RFC3: variants seen among roughly 807,000 people sequenced by gnomAD.
RFC3 encodes A1 38 kDa subunit.
Under a neutral mutation model 45.1 loss-of-function variants are expected in RFC3, and 41 were observed. The observed-to-expected ratio is 0.91, with a 90% CI of 0.71 to 1.18. The LOEUF is 1.18. Ranked by LOEUF, RFC3 falls within the 50% of genes most tolerant of loss-of-function variation. RFC3 has a pLI of 0.00. For missense variants in RFC3, 423 were observed against 428.1 expected (o/e 0.99, Z 0.10); for synonymous variants, 149 against 144.0 (o/e 1.03, Z -0.25).
At chr13:33,923,488 A>C (rs1003758482) in intron 8 of RFC3, among the ~76,000 whole-genome samples, 1 of 152,140 alleles carries the variant, frequency 6.6e-6, no homozygotes, top group East Asian at 1.9e-4. Context: ...TAGTGGATTC[A>C]GAACAAGTGG....
intron 8 of RFC3, among the ~76,000 whole-genome samples, chr13:33,896,264 C>T (rs1191956790): frequency 6.6e-6 from 1 of 151,378 alleles, no homozygotes; most frequent in South Asian, 2.1e-4. Flanking sequence ...TAAACCAAAA[C>T]AAAAAGAAAA....
At chr13:33,879,550 A>G (rs550112271) in intron 8 of RFC3, among the ~76,000 whole-genome samples, 30 of 152,318 alleles carry the variant, frequency 2.0e-4, no homozygotes, top group African/African-American at 6.7e-4. Flanking sequence ...AACTAAAACA[A>G]AAAACTTCCA....
rs145463194 is a variant in RFC3 at position 33,850,546 on chromosome 13, G to A, written c.879+15329G>A. On this transcript the variant is annotated intron_variant, in intron 8 of 8. Transcript: ENST00000434425. ...ATTAATTGAAATAAATTATGTTCTT[G>A]TAAAATTAATATTTACTGTATGAAA... is the stretch of plus-strand genomic sequence containing the variant. 10 of 152,070 alleles carry A rather than the reference G, an allele frequency of 6.6e-5. No individual in the cohort carries two copies. In the East Asian group the frequency reaches 1.4e-3, roughly 21 times the overall value. The allele number at this position is 152,070 out of a possible 1,614,324, so 9.4% of individuals were successfully genotyped here. A position where few individuals can be genotyped will look rare whatever the true frequency, so the allele number is the denominator to read the frequency against.
the RFC3 span, among the ~76,000 whole-genome samples, chr13:33,973,508 C>G: frequency 5.3e-5 from 8 of 152,254 alleles, no homozygotes; most frequent in Non-Finnish European, 1.5e-5. Flanking sequence ...CTTGGAAACA[C>G]ATTTTGTGGG....
At chr13:33,957,095 G>A (rs897763049) in intron 8 of RFC3, among the ~76,000 whole-genome samples, 1 of 151,678 alleles carries the variant, frequency 6.6e-6, no homozygotes, top group African/African-American at 2.4e-5. Flanking sequence ...CTTTTGTTAT[G>A]CTTCTGTATA....
chr13:33,951,039 CTTTTTTTTTTT>C (rs926664684), intron 8 of RFC3, among the ~76,000 whole-genome samples: 4 of 60,816 alleles, frequency 6.6e-5, no homozygotes, highest in South Asian at 8.5e-4. Flanking sequence ...TCTGATGGCT[CTTTTTTTTTTT>C]TTTTTTTTTT....
intron 1 of RFC3, among the ~76,000 whole-genome samples, chr13:33,820,072 T>C (rs529738207): frequency 6.6e-6 from 1 of 152,320 alleles, no homozygotes; most frequent in South Asian, 2.1e-4. Context: ...ATAATGGTTA[T>C]TTACAGAACT....
intron 8 of RFC3, among the ~76,000 whole-genome samples, chr13:33,931,524 G>A (rs2082852163): frequency 1.3e-5 from 2 of 152,012 alleles, no homozygotes; most frequent in African/African-American, 4.8e-5. Flanking sequence ...CATGAGATGT[G>A]TAAATTCTAA....
chr13:33,960,922 A>G (rs1036776866), intron 8 of RFC3, among the ~76,000 whole-genome samples: 2 of 152,154 alleles, frequency 1.3e-5, no homozygotes, highest in African/African-American at 4.8e-5. Flanking sequence ...TGGTCACTCC[A>G]TTATTCACTT....
chr13:33,966,454 C>T (rs1201824931), exon 9 of RFC3: 6 of 342,080 alleles, frequency 1.8e-5, no homozygotes, highest in Admixed American at 1.2e-4. Flanking sequence ...CCATCTGTAT[C>T]CCTACATCTA....
intron 8 of RFC3, among the ~76,000 whole-genome samples, chr13:33,936,111 A>T (rs1216988860): frequency 6.6e-6 from 1 of 152,150 alleles, no homozygotes; most frequent in African/African-American, 2.4e-5. Flanking sequence ...GGAGGCAGGA[A>T]GAAGCAGAAA....
chr13:33,874,550 C>T (rs993358009), intron 8 of RFC3, among the ~76,000 whole-genome samples: 11 of 152,212 alleles, frequency 7.2e-5, no homozygotes, highest in Non-Finnish European at 1.5e-4. Context: ...AACTTCTGAC[C>T]TCGGGTGATC....
chr13:33,897,018 A>G (rs2082604365), intron 8 of RFC3, among the ~76,000 whole-genome samples: 1 of 152,104 alleles, frequency 6.6e-6, no homozygotes, highest in South Asian at 2.1e-4. Flanking sequence ...AAACAAAAAA[A>G]TTAATGTACA....
intron 8 of RFC3, among the ~76,000 whole-genome samples, chr13:33,935,026 C>G (rs1359303793): frequency 6.6e-6 from 1 of 152,032 alleles, no homozygotes; most frequent in Non-Finnish European, 1.5e-5. Context: ...GGCTGACTTC[C>G]TTGTTTGGAA....
chr13:33,970,780 C>T (rs1451052525), downstream of RFC3, among the ~76,000 whole-genome samples: 1 of 152,226 alleles, frequency 6.6e-6, no homozygotes, highest in Non-Finnish European at 1.5e-5. Context: ...AGCGCATACA[C>T]ACCAACTCTC....
intron 8 of RFC3, among the ~76,000 whole-genome samples, chr13:33,930,783 T>C (rs565117044): frequency 6.6e-6 from 1 of 152,252 alleles, no homozygotes; most frequent in South Asian, 2.1e-4. Context: ...TGTAACGTAC[T>C]AATGGTGATA....
intron 8 of RFC3, among the ~76,000 whole-genome samples, chr13:33,914,379 C>T (rs1487105674): frequency 6.6e-6 from 1 of 152,120 alleles, no homozygotes; most frequent in African/African-American, 2.4e-5. Flanking sequence ...TTCATGCAAA[C>T]TTTCTTCTTC....
chr13:33,822,742 A>G (rs1156906009), intron 2 of RFC3, among the ~76,000 whole-genome samples: 1 of 152,164 alleles, frequency 6.6e-6, no homozygotes, highest in Non-Finnish European at 1.5e-5. Flanking sequence ...TTAAAATGAA[A>G]CACTAAATAT....
chr13:33,913,346 G>T (rs1193860577), intron 8 of RFC3, among the ~76,000 whole-genome samples: 1 of 152,050 alleles, frequency 6.6e-6, no homozygotes, highest in Non-Finnish European at 1.5e-5. Context: ...AGATGGGGCT[G>T]CTTATGTAAG....
Sources: gnomAD v4.1 joint callset for allele counts (sites outside exome capture counted in the v4.1 genomes callset) on GRCh38, gnomAD v4.1.1 for gene constraint, MANE v1.5 for transcripts, NCBI Gene and HGNC (gene_info 2026-07-23, HGNC 2026-07-21) for gene names.